TENM3: variants seen among roughly 807,000 people sequenced by gnomAD.
TENM3 encodes the protein teneurin transmembrane protein 3, also known as teneurin-3.
TENM3 carries 63 observed loss-of-function variants against 255.1 expected under a neutral mutation model. That is an observed-to-expected ratio of 0.25 (90% CI 0.20 to 0.30). TENM3 has a LOEUF of 0.30. Ranked by LOEUF, TENM3 falls within the 10% of genes least tolerant of loss-of-function variation. The pLI is 1.00. For synonymous variants in TENM3, 1,306 were observed against 1,322.3 expected (o/e 0.99, Z 0.27); for missense variants, 2,929 against 3,461.1 (o/e 0.85, Z 3.86).
intron 3 of TENM3, among the ~76,000 whole-genome samples, chr4:182,404,918 T>C (rs904507048): frequency 1.4e-4 from 21 of 152,286 alleles, no homozygotes; most frequent in Admixed American, 1.2e-3. Context: ...CTCTCCATCA[T>C]CGCCGGTCAC....
chr4:181,580,667 GAGAGAC>G, the TENM3 span, among the ~76,000 whole-genome samples: 1 of 152,136 alleles, frequency 6.6e-6, no homozygotes, highest in Non-Finnish European at 1.5e-5. Context: ...GTACAGTAAT[GAGAGAC>G]AGAGAAAGAG....
At chr4:181,618,880 A>C in the TENM3 span, among the ~76,000 whole-genome samples, 2 of 152,226 alleles carry the variant, frequency 1.3e-5, no homozygotes, top group African/African-American at 2.4e-5. Context: ...CAAAGTGGGC[A>C]CACTGGAGAA....
the TENM3 span, among the ~76,000 whole-genome samples, chr4:181,746,977 T>C: frequency 6.6e-6 from 1 of 152,138 alleles, no homozygotes; most frequent in Admixed American, 6.6e-5. Flanking sequence ...TGTGGTTATA[T>C]ATCTCTGCAT....
intron 3 of TENM3, among the ~76,000 whole-genome samples, chr4:182,532,951 AAT>A (rs1580852035): frequency 6.6e-6 from 1 of 152,212 alleles, no homozygotes; most frequent in Non-Finnish European, 1.5e-5. Flanking sequence ...GTGGATAATA[AAT>A]GCACCTTTCA....
intron 4 of TENM3, among the ~76,000 whole-genome samples, chr4:182,611,155 C>A (rs964096631): frequency 6.6e-6 from 1 of 152,000 alleles, no homozygotes; most frequent in Non-Finnish European, 1.5e-5. Context: ...AAGTTCATTA[C>A]CTTTTCTTCT....
intron 3 of TENM3, among the ~76,000 whole-genome samples, chr4:182,538,841 A>G (rs1258374863): frequency 6.6e-6 from 1 of 152,002 alleles, no homozygotes; most frequent in Non-Finnish European, 1.5e-5. Flanking sequence ...TGGTGGTACC[A>G]TTTTCTGAAA....
chr4:182,446,665 G>A (rs1772938984), intron 3 of TENM3, among the ~76,000 whole-genome samples: 1 of 149,650 alleles, frequency 6.7e-6, no homozygotes, highest in Non-Finnish European at 1.5e-5. Context: ...TCCCTATATT[G>A]CTCAGGTTGG....
intron 5 of TENM3, among the ~76,000 whole-genome samples, chr4:182,644,556 G>A (rs1312034726): frequency 6.6e-6 from 1 of 151,916 alleles, no homozygotes; most frequent in African/African-American, 2.4e-5. Context: ...CTCCAGCCTT[G>A]GAAAATAAAA....
At chr4:182,505,580 G>A (rs1337662149) in intron 3 of TENM3, among the ~76,000 whole-genome samples, 1 of 152,046 alleles carries the variant, frequency 6.6e-6, no homozygotes, top group Non-Finnish European at 1.5e-5. Context: ...CCAGGTTCAA[G>A]CGATTCTCCT....
intron 5 of TENM3, among the ~76,000 whole-genome samples, chr4:182,642,061 T>C (rs896170610): frequency 6.6e-6 from 1 of 152,240 alleles, no homozygotes; most frequent in Non-Finnish European, 1.5e-5. Context: ...GTATTTTGAA[T>C]GTTATTGAAA....
chr4:181,467,097 G>GTATATATATA, the TENM3 span, among the ~76,000 whole-genome samples: 2 of 73,144 alleles, frequency 2.7e-5, no homozygotes, highest in East Asian at 2.7e-4. Context: ...GTGTGTGTGT[G>GTATATATATA]TGTGTGTATA....
chr4:182,510,658 G>A (rs1000154364), intron 3 of TENM3, among the ~76,000 whole-genome samples: 11 of 152,070 alleles, frequency 7.2e-5, no homozygotes, highest in Admixed American at 2.6e-4. Context: ...CTGAGTTATC[G>A]GCCAGTCTTT....
the TENM3 span, among the ~76,000 whole-genome samples, chr4:181,801,692 ATAT>A: frequency 7.1e-6 from 1 of 141,228 alleles, no homozygotes; most frequent in African/African-American, 2.7e-5. Context: ...ATATATATAT[ATAT>A]ATGCAACAAT....
chr4:181,738,943 A>G, the TENM3 span, among the ~76,000 whole-genome samples: 1 of 151,954 alleles, frequency 6.6e-6, no homozygotes, highest in Admixed American at 6.6e-5. Context: ...AGCTGACACC[A>G]GTGAGCCTAG....
chr4:181,533,953 T>A, the TENM3 span, among the ~76,000 whole-genome samples: 1 of 152,202 alleles, frequency 6.6e-6, no homozygotes, highest in East Asian at 1.9e-4. Flanking sequence ...CCCACACCTC[T>A]GGAACACAAT....
At chr4:182,113,193 G>T in the TENM3 span, among the ~76,000 whole-genome samples, 10 of 152,202 alleles carry the variant, frequency 6.6e-5, no homozygotes, top group African/African-American at 1.9e-4. Flanking sequence ...TGTGCTTCCG[G>T]AGACAACACT....
intron 3 of TENM3, among the ~76,000 whole-genome samples, chr4:182,443,922 T>TG (rs1218302537): frequency 6.6e-6 from 1 of 152,196 alleles, no homozygotes; most frequent in Non-Finnish European, 1.5e-5. Context: ...ATTTGGTTTT[T>TG]GGGGGGTGAA....
chr4:181,750,417 A>G, the TENM3 span, among the ~76,000 whole-genome samples: 1 of 152,206 alleles, frequency 6.6e-6, no homozygotes, highest in Non-Finnish European at 1.5e-5. Context: ...GGTCTATCAC[A>G]ACAATAAAAT....
At chr4:181,860,813 G>C in the TENM3 span, among the ~76,000 whole-genome samples, 1 of 152,078 alleles carries the variant, frequency 6.6e-6, no homozygotes, top group Non-Finnish European at 1.5e-5. Flanking sequence ...ACATCATATG[G>C]AGTCATTTGC....
Sources: gnomAD v4.1 joint callset for allele counts (sites outside exome capture counted in the v4.1 genomes callset) on GRCh38, gnomAD v4.1.1 for gene constraint, MANE v1.5 for transcripts, NCBI Gene and HGNC (gene_info 2026-07-23, HGNC 2026-07-21) for gene names.